WNT4: variants seen among roughly 807,000 people sequenced by gnomAD.
The protein encoded by WNT4 is Wnt family member 4, also known as protein Wnt-4.
In WNT4, 16 loss-of-function variants were observed where a neutral mutation model predicts 34.5. That is an observed-to-expected ratio of 0.46 (90% CI 0.31 to 0.70). The LOEUF is 0.70. Ranked by LOEUF, WNT4 falls within the 30% of genes least tolerant of loss-of-function variation. The pLI is 0.04. For missense variants in WNT4, 379 were observed against 495.9 expected, an observed-to-expected ratio of 0.76 and a Z score of 2.24; for synonymous variants, 200 against 211.9, an observed-to-expected ratio of 0.94 and a Z score of 0.49.
At position 22,140,032 on chromosome 1, in the gene WNT4, C is replaced by A. The variant is rs1395524543; in HGVS notation, c.77+2814G>T. 6.6e-6 allele frequency among the ~76,000 whole-genome samples: 1 copy of A among 152,258 alleles called. No homozygotes were observed. The highest frequency in any genetic ancestry group is 2.4e-5 in the African/African-American group (1 of 41,466). ...CACGCGGCGGGACACCTGGCCTCCC[C>A]ACCAGGCCACCTGCCCTTCTGAGAC... On this transcript the variant is annotated intron_variant, in intron 1 of 4. Transcript: ENST00000290167. This position sits in a 1 kb window ranked among gnomAD's most constrained non-coding sequence, Gnocchi z 5.9.
rs1001951085 is a variant in WNT4 at position 22,134,959 on chromosome 1, C to T, written c.78-5108G>A. ...CGCTCCCCCGGGGTACAGTGGATGACCTCAGCAGCCATCCCAATGGCAGGC... is the reference window on the plus strand; with the variant it reads ...CGCTCCCCCGGGGTACAGTGGATGATCTCAGCAGCCATCCCAATGGCAGGC... On this transcript the variant is annotated intron_variant, in intron 1 of 4. Coordinates refer to ENST00000290167, the MANE Select transcript of WNT4 (RefSeq NM_030761.5). This position sits in a 1 kb window ranked among gnomAD's most constrained non-coding sequence, Gnocchi z 4.1. Among the ~76,000 whole-genome samples the T allele has an allele frequency of 2.6e-5, 4 of 152,182 alleles. No individual in the cohort carries two copies. Among genetic ancestry groups the T allele is most frequent in the African/African-American group, 9.7e-5 (4 of 41,434 alleles).
rs965636661 is a variant in WNT4 at position 22,120,023 on chromosome 1, G to A, written c.*27C>T. 14 of 1,601,526 alleles carry A rather than the reference G, an allele frequency of 8.7e-6. No homozygotes were observed. In the African/African-American group the frequency reaches 1.9e-4, roughly 21 times the overall value. On this transcript the variant is annotated 3_prime_UTR_variant, in exon 5 of 5. Coordinates refer to ENST00000290167, the MANE Select transcript of WNT4 (RefSeq NM_030761.5). Reference sequence around the variant, plus strand: ...TCGGCCTTCCCTGGGCCACTAGGTGGTTGCCGGCGCAGGGCTAGGCAGGCG... The same window carrying A: ...TCGGCCTTCCCTGGGCCACTAGGTGATTGCCGGCGCAGGGCTAGGCAGGCG...
chr1:22,135,385 A>G (rs751843278), intron 1 of WNT4, among the ~76,000 whole-genome samples: 8 of 152,236 alleles, frequency 5.3e-5, no homozygotes, highest in Non-Finnish European at 1.2e-4. Context: ...GTGGAAGGTC[A>G]GGATTTGAAA....
At chr1:22,126,588 C>T (rs1316792381) in intron 2 of WNT4, among the ~76,000 whole-genome samples, 1 of 152,178 alleles carries the variant, frequency 6.6e-6, no homozygotes, top group Non-Finnish European at 1.5e-5. Context: ...AATGGGGGCT[C>T]CTCTCCTCTC....
At chr1:22,122,212 C>A (rs111311683) in intron 2 of WNT4, among the ~76,000 whole-genome samples, 1 of 152,138 alleles carries the variant, frequency 6.6e-6, no homozygotes. Flanking sequence ...TTCTACGTAA[C>A]CCCCAACCCC....
rs1238788167 is a variant in WNT4, at chr1:22,142,606, G to C, written c.77+240C>G. Among the ~76,000 whole-genome samples, 1 of 151,744 alleles carries C rather than the reference G, an allele frequency of 6.6e-6. No individual in the cohort carries two copies. The highest frequency in any genetic ancestry group is 2.4e-5 in the African/African-American group (1 of 41,318). ...CGAGCCGCCTACCGGTGCGGACGCCGCCACAGCCACCCCTGACGCCTCTGG... is the reference window on the plus strand; with the variant it reads ...CGAGCCGCCTACCGGTGCGGACGCCCCCACAGCCACCCCTGACGCCTCTGG... On this transcript the variant is annotated intron_variant, in intron 1 of 4. Transcript: ENST00000290167. The surrounding 1 kb of genome is among the most constrained non-coding windows in gnomAD (Gnocchi z 6.0).
intron 1 of WNT4, among the ~76,000 whole-genome samples, chr1:22,136,046 G>C (rs1283717801): frequency 4.6e-5 from 7 of 151,972 alleles, no homozygotes; most frequent in Admixed American, 4.6e-4. Flanking sequence ...ACTCCTGAGG[G>C]CTCTGTGTCC....
chr1:22,142,903 A>T lies in WNT4; in HGVS notation c.20T>A (p.Leu7Gln). 8.3e-7 allele frequency: 1 copy of T among 1,207,536 alleles called. No individual in the cohort carries two copies. Among genetic ancestry groups the T allele is most frequent in the Admixed American group, 2.8e-5 (1 of 35,948 alleles). 74.8% of individuals were successfully genotyped at this position (1,207,536 alleles called of 1,614,324 possible). Residue 7 changes from leucine to glutamine, a missense_variant, in exon 1 of 5, where the codon CTG becomes CAG. By Grantham distance (113) the Leu-to-Gln change is moderately radical (BLOSUM62 -2). Transcript: ENST00000290167. This position sits in a 1 kb window ranked among gnomAD's most constrained non-coding sequence, Gnocchi z 6.0. ...GAAGACGAGGAGGCGCAGCGAACGC[A>T]GGCACGAGCGGGGACTCATGGTGCC... MSPRSC[L>Q]RSLRLLVFAV...
rs746507839 is a variant in WNT4 at position 22,121,515 on chromosome 1, C to T, written c.375G>A (p.Thr125=). ...CCAGCTCCCCACTGCTGCACGCCCG[C>T]GTCACTGCAAAGGCCACACCTGCCG... The part of the protein sequence containing the change: ...ISSAGVAFAV[T]RACSSGELEK... The change falls in exon 3 of 5, where the codon ACG becomes ACA. Residue 125 remains threonine, a synonymous_variant. Coordinates refer to ENST00000290167, the MANE Select transcript of WNT4 (RefSeq NM_030761.5). 5.8e-5 allele frequency: 94 copies of T among 1,614,044 alleles called. 3 individuals carry two copies. The South Asian group carries it at 6.8e-4, about 12-fold the overall frequency.
chr1:22,127,229 T>G lies in WNT4; in HGVS notation c.313+2387A>C, dbSNP rs749068014. 8.4e-6 allele frequency: 4 copies of G among 477,412 alleles called. No homozygotes were observed. The East Asian group carries it at 2.0e-4, about 24-fold the overall frequency. 29.6% of individuals were successfully genotyped at this position (477,412 alleles called of 1,614,324 possible). On this transcript the variant is annotated intron_variant, in intron 2 of 4. Coordinates refer to ENST00000290167, the MANE Select transcript of WNT4 (RefSeq NM_030761.5). ...ACGTTCGACTCCACCAGTCAGACTT[T>G]AGTCCAGAGCAGGTACCACCCAGGC...
chr1:22,138,327 G>T (rs1320538981), intron 1 of WNT4, among the ~76,000 whole-genome samples: 1 of 152,150 alleles, frequency 6.6e-6, no homozygotes, highest in African/African-American at 2.4e-5. Flanking sequence ...GGCATGGAGG[G>T]GATGGTGTGT....
chr1:22,124,626 G>T (rs1242303300), intron 2 of WNT4, among the ~76,000 whole-genome samples: 9 of 152,326 alleles, frequency 5.9e-5, no homozygotes. Context: ...CTTGTCCTGG[G>T]TTCCTCAGGC....
chr1:22,140,117 G>T lies in WNT4; in HGVS notation c.77+2729C>A. The T allele has an allele frequency of 1.1e-6, 1 of 934,158 alleles. No individual in the cohort carries two copies. Among genetic ancestry groups the T allele is most frequent in the Non-Finnish European group, 1.3e-6 (1 of 783,198 alleles). The allele number at this position is 934,158 out of a possible 1,614,324, so 57.9% of individuals were successfully genotyped here. ...GACCCACCCTGGACTCCAGGGTATT[G>T]GGAGGCGAGCGGAACCTAGACCTTG... is the stretch of plus-strand genomic sequence containing the variant. On this transcript the variant is annotated intron_variant, in intron 1 of 4. Coordinates refer to ENST00000290167, the MANE Select transcript of WNT4 (RefSeq NM_030761.5). This position sits in a 1 kb window ranked among gnomAD's most constrained non-coding sequence, Gnocchi z 5.9.
Position 22,142,118 on chromosome 1 carries a change from G to T in WNT4, c.77+728C>A, listed in dbSNP as rs1421355749. Reference sequence around the variant, plus strand: ...CCCCTACCCAGGGAGCGCCCTGAGCGCAGATCCAGTCAAGGAGAAACAGAC... The same window carrying T: ...CCCCTACCCAGGGAGCGCCCTGAGCTCAGATCCAGTCAAGGAGAAACAGAC... On this transcript the variant is annotated intron_variant, in intron 1 of 4. Coordinates refer to ENST00000290167, the MANE Select transcript of WNT4 (RefSeq NM_030761.5). The surrounding 1 kb of genome is among the most constrained non-coding windows in gnomAD (Gnocchi z 6.0). Among the ~76,000 whole-genome samples the T allele has an allele frequency of 6.6e-6, 1 of 152,162 alleles. No homozygotes were observed. Among genetic ancestry groups the T allele is most frequent in the East Asian group, 1.9e-4 (1 of 5,164 alleles).
intron 1 of WNT4, among the ~76,000 whole-genome samples, chr1:22,138,758 C>G (rs1646042400): frequency 6.6e-6 from 1 of 152,180 alleles, no homozygotes; most frequent in Non-Finnish European, 1.5e-5. Flanking sequence ...ACATCTTTAC[C>G]TGTGTGGTTG....
At chr1:22,124,035 G>T (rs993096915) in intron 2 of WNT4, among the ~76,000 whole-genome samples, 2 of 152,330 alleles carry the variant, frequency 1.3e-5, no homozygotes, top group South Asian at 2.1e-4. Flanking sequence ...GGACTCCAGG[G>T]TGGTGGCCCT....
rs1437507645 is a variant in WNT4 at position 22,142,346 on chromosome 1, A to G, written c.77+500T>C. 6.6e-6 allele frequency among the ~76,000 whole-genome samples: 1 copy of G among 151,934 alleles called. No homozygotes were observed. The highest frequency in any genetic ancestry group is 1.5e-5 in the Non-Finnish European group (1 of 67,968). On this transcript the variant is annotated intron_variant, in intron 1 of 4. Transcript: ENST00000290167. This position sits in a 1 kb window ranked among gnomAD's most constrained non-coding sequence, Gnocchi z 6.0. The stretch of plus-strand genomic sequence containing the variant: ...TGTCTCCGGCTCCCGCCCCCCAAGC[A>G]GAAACAGGTCCCTGCACGCCTCCAG...
intron 4 of WNT4, 148 bp downstream of exon 4, chr1:22,121,063 G>T: frequency 7.3e-7 from 1 of 1,369,004 alleles, no homozygotes; most frequent in Non-Finnish European, 9.9e-7. Flanking sequence ...CCTCTGGCCT[G>T]TCCTGAACCC....
chr1:22,120,531 T>C lies in WNT4; in HGVS notation c.589-14A>G, dbSNP rs1557922465. The stretch of plus-strand genomic sequence containing the variant: ...TGTCAGGATGGCCTGTGGGAGAGGG[T>C]GGGGGAGAGGGGCCATCAGGAGATG... On this transcript the variant is annotated splice_polypyrimidine_tract_variant and intron_variant, in intron 4 of 4. Transcript: ENST00000290167. The C allele has an allele frequency of 6.3e-7, 1 of 1,599,122 alleles. No homozygotes were observed. Among genetic ancestry groups the C allele is most frequent in the Admixed American group, 1.7e-5 (1 of 57,634 alleles).
Sources: allele counts gnomAD v4.1 joint callset (sites outside exome capture counted in the v4.1 genomes callset), GRCh38; gene constraint gnomAD v4.1.1; non-coding constraint Gnocchi (gnomAD v3.1); transcripts MANE v1.5; gene names NCBI Gene and HGNC (gene_info 2026-07-23, HGNC 2026-07-21).